KCNQ1OT1: variants seen among roughly 807,000 people sequenced by gnomAD.
KCNQ1OT1 encodes KCNQ1 opposite strand/antisense transcript 1.
chr11:2,640,136 C>A, exon 1 of KCNQ1OT1: 1 of 342,152 alleles, frequency 2.9e-6, no homozygotes, highest in Non-Finnish European at 5.2e-6. Context: ...AAGGGAATTC[C>A]CTGACCCCTT....
In KCNQ1OT1 at chr11:2,624,961, A is replaced by G. The variant is rs1849240564; in HGVS notation, n.75034T>C. 2.5e-6 allele frequency: 1 copy of G among 398,566 alleles called. No individual in the cohort carries two copies. Among genetic ancestry groups the G allele is most frequent in the Non-Finnish European group, 4.4e-6 (1 of 226,054 alleles). 24.7% of individuals were successfully genotyped at this position (398,566 alleles called of 1,614,324 possible). On this transcript the variant is annotated non_coding_transcript_exon_variant, in exon 1 of 1. Transcript: ENST00000597346. The surrounding 1 kb of genome is among the most constrained non-coding windows in gnomAD (Gnocchi z 4.9). ...GAATAATATTACATTGTATGTATATACCACATTTTGCTTATCCATTCTTCC... is the reference window on the plus strand; with the variant it reads ...GAATAATATTACATTGTATGTATATGCCACATTTTGCTTATCCATTCTTCC...
Position 2,644,550 on chromosome 11 carries a change from C to T in KCNQ1OT1, n.55445G>A, listed in dbSNP as rs2133834371. On this transcript the variant is annotated non_coding_transcript_exon_variant, in exon 1 of 1. Transcript: ENST00000597346. ...TATATTGAATTTTTCAAGGTTTCAT[C>T]AATTTCTTTTTCACTGGAATCTGTT... is the stretch of plus-strand genomic sequence containing the variant. The T allele has an allele frequency of 1.0e-5, 4 of 398,368 alleles. No individual in the cohort carries two copies. The East Asian group carries it at 1.4e-4, about 14-fold the overall frequency. 24.7% of individuals were successfully genotyped at this position (398,368 alleles called of 1,614,324 possible).
At position 2,661,800 on chromosome 11, in the gene KCNQ1OT1, C is replaced by T; in HGVS notation, n.38195G>A. The stretch of plus-strand genomic sequence containing the variant: ...GCACTTTGGGGCCATCTTAAACACC[C>T]ACCCACCCCAACACCCAACTATAAA... On this transcript the variant is annotated non_coding_transcript_exon_variant, in exon 1 of 1. Transcript: ENST00000597346. This position sits in a 1 kb window ranked among gnomAD's most constrained non-coding sequence, Gnocchi z 5.9. 1.2e-6 allele frequency: 1 copy of T among 816,658 alleles called. No individual in the cohort carries two copies. Among genetic ancestry groups the T allele is most frequent in the Non-Finnish European group, 2.0e-6 (1 of 497,850 alleles). The allele number at this position is 816,658 out of a possible 1,614,324, so 50.6% of individuals were successfully genotyped here. A position where few individuals can be genotyped will look rare whatever the true frequency, so the allele number is the denominator to read the frequency against.
exon 1 of KCNQ1OT1, chr11:2,656,321 A>G: frequency 2.5e-6 from 1 of 398,700 alleles, no homozygotes; most frequent in African/African-American, 2.1e-5. Context: ...GCCAGGTCCC[A>G]GACCTGTGGG....
chr11:2,662,836 T>C, exon 1 of KCNQ1OT1: 1 of 398,848 alleles, frequency 2.5e-6, no homozygotes, highest in Non-Finnish European at 4.4e-6. Context: ...TGAGGGTCAC[T>C]TGTGGAAACT....
At chr11:2,632,607 A>G in exon 1 of KCNQ1OT1, 1 of 398,404 alleles carries the variant, frequency 2.5e-6, no homozygotes. Context: ...ATAATGTGTC[A>G]TAATCAAATC....
At chr11:2,609,938 A>G (rs1224992204) in exon 1 of KCNQ1OT1, 1 of 397,896 alleles carries the variant, frequency 2.5e-6, no homozygotes, top group Non-Finnish European at 4.4e-6. Context: ...TGGAATACAG[A>G]TGGATCCTGT....
chr11:2,638,984 C>T (rs1196348737), exon 1 of KCNQ1OT1: 1 of 152,200 alleles, frequency 6.6e-6, no homozygotes, highest in Non-Finnish European at 1.5e-5. Flanking sequence ...TCACCGATAT[C>T]CTTTCTTCCA....
At position 2,676,003 on chromosome 11, in the gene KCNQ1OT1, C is replaced by T. The variant is rs770007756; in HGVS notation, n.23992G>A. ...ACTCTCCCCACCCAACCCTAATTCCCAAGTTTCCTTCCCTAAAGGTTACCA... is the reference window on the plus strand; with the variant it reads ...ACTCTCCCCACCCAACCCTAATTCCTAAGTTTCCTTCCCTAAAGGTTACCA... On this transcript the variant is annotated non_coding_transcript_exon_variant, in exon 1 of 1. Coordinates refer to ENST00000597346, the Ensembl canonical transcript of KCNQ1OT1. The surrounding 1 kb of genome is among the most constrained non-coding windows in gnomAD (Gnocchi z 4.2). 5 of 398,556 alleles carry T rather than the reference C, an allele frequency of 1.3e-5. No homozygotes were observed. The highest frequency in any genetic ancestry group is 2.1e-5 in the African/African-American group (1 of 48,646). 24.7% of individuals were successfully genotyped at this position (398,556 alleles called of 1,614,324 possible).
In KCNQ1OT1 at chr11:2,679,547, A is replaced by G. The variant is rs1850351787; in HGVS notation, n.20448T>C. 2.5e-6 allele frequency: 1 copy of G among 398,644 alleles called. No individual in the cohort carries two copies. The highest frequency in any genetic ancestry group is 4.4e-6 in the Non-Finnish European group (1 of 226,070). 24.7% of individuals were successfully genotyped at this position (398,644 alleles called of 1,614,324 possible). On this transcript the variant is annotated non_coding_transcript_exon_variant, in exon 1 of 1. Coordinates refer to ENST00000597346, the Ensembl canonical transcript of KCNQ1OT1. This position sits in a 1 kb window ranked among gnomAD's most constrained non-coding sequence, Gnocchi z 4.8. ...ATACCTCATGATGGCCATTCCATCC[A>G]TTGTAATCATGTGTACCATGCAATT...
At position 2,656,882 on chromosome 11, in the gene KCNQ1OT1, A is replaced by C. The variant is rs546909361; in HGVS notation, n.43113T>G. On this transcript the variant is annotated non_coding_transcript_exon_variant, in exon 1 of 1. Coordinates refer to ENST00000597346, the Ensembl canonical transcript of KCNQ1OT1. ...GTCTTCAATCCCCTAGAATGACAAG[A>C]ATGAATTTTTGGTATATGATGTGAG... The C allele has an allele frequency of 1.0e-5, 4 of 398,614 alleles. No homozygotes were observed. The South Asian group carries it at 5.1e-4, about 51-fold the overall frequency. 24.7% of individuals were successfully genotyped at this position (398,614 alleles called of 1,614,324 possible).
chr11:2,631,672 T>C, exon 1 of KCNQ1OT1: 1 of 398,628 alleles, frequency 2.5e-6, no homozygotes, highest in East Asian at 3.6e-5. Context: ...AATTGAAATC[T>C]GCTCACTTGA....
exon 1 of KCNQ1OT1, chr11:2,686,900 G>A (rs1327906815): frequency 7.5e-6 from 3 of 398,592 alleles, no homozygotes; most frequent in African/African-American, 6.2e-5. Flanking sequence ...TGAAGATAGA[G>A]GCAACCCAAT....
rs1344295326 is a variant in KCNQ1OT1 at position 2,664,409 on chromosome 11, C to T, written n.35586G>A. On this transcript the variant is annotated non_coding_transcript_exon_variant, in exon 1 of 1. Coordinates refer to ENST00000597346, the Ensembl canonical transcript of KCNQ1OT1. This position sits in a 1 kb window ranked among gnomAD's most constrained non-coding sequence, Gnocchi z 5.1. ...AGAGAGGCCTGAAGGGGAGAGTGGG[C>T]ACGTACAGTGTCAGGGCCTAGGAAC... 1.0e-5 allele frequency: 4 copies of T among 398,556 alleles called. No individual in the cohort carries two copies. Among genetic ancestry groups the T allele is most frequent in the African/African-American group, 8.2e-5 (4 of 48,606 alleles). 24.7% of individuals were successfully genotyped at this position (398,556 alleles called of 1,614,324 possible).
chr11:2,650,675 C>T (rs1247201804), exon 1 of KCNQ1OT1: 1 of 398,608 alleles, frequency 2.5e-6, no homozygotes, highest in Non-Finnish European at 4.4e-6. Flanking sequence ...TTTTAAGCCT[C>T]TTCTCTGATT....
At chr11:2,699,790 C>T (rs449357) in exon 1 of KCNQ1OT1, 1 of 396,610 alleles carries the variant, frequency 2.5e-6, no homozygotes, top group Non-Finnish European at 4.4e-6. Context: ...AGAACCGCGC[C>T]GAGGGGCGCG....
In KCNQ1OT1 at chr11:2,691,379, G is replaced by A. The variant is rs1011329016; in HGVS notation, n.8616C>T. On this transcript the variant is annotated non_coding_transcript_exon_variant, in exon 1 of 1. Coordinates refer to ENST00000597346, the Ensembl canonical transcript of KCNQ1OT1. This position sits in a 1 kb window ranked among gnomAD's most constrained non-coding sequence, Gnocchi z 6.4. ...CTGACATCTTGGGCTCAGGCCTCTGGGTCTGGGCATAGAAGCCCAGGAACT... is the reference window on the plus strand; with the variant it reads ...CTGACATCTTGGGCTCAGGCCTCTGAGTCTGGGCATAGAAGCCCAGGAACT... The A allele has an allele frequency of 5.0e-5, 20 of 398,502 alleles. No individual in the cohort carries two copies. Among genetic ancestry groups the A allele is most frequent in the Non-Finnish European group, 8.4e-5 (19 of 226,098 alleles). 24.7% of individuals were successfully genotyped at this position (398,502 alleles called of 1,614,324 possible). A position where few individuals can be genotyped will look rare whatever the true frequency, so the allele number is the denominator to read the frequency against.
rs1564845527 is a variant in KCNQ1OT1 at position 2,651,300 on chromosome 11, G to A, written n.48695C>T. The A allele has an allele frequency of 7.5e-6, 3 of 398,650 alleles. No individual in the cohort carries two copies. The highest frequency in any genetic ancestry group is 8.8e-6 in the Non-Finnish European group (2 of 226,094). The allele number at this position is 398,650 out of a possible 1,614,324, so 24.7% of individuals were successfully genotyped here. A position where few individuals can be genotyped will look rare whatever the true frequency, so the allele number is the denominator to read the frequency against. On this transcript the variant is annotated non_coding_transcript_exon_variant, in exon 1 of 1. Coordinates refer to ENST00000597346, the Ensembl canonical transcript of KCNQ1OT1. The surrounding 1 kb of genome is among the most constrained non-coding windows in gnomAD (Gnocchi z 6.1). ...GAAAGAGCTTCATGGTGGGCAGCTGGGAAGCTGCACAGAACACTCCTCAGA... is the reference window on the plus strand; with the variant it reads ...GAAAGAGCTTCATGGTGGGCAGCTGAGAAGCTGCACAGAACACTCCTCAGA...
rs780746457 is a variant in KCNQ1OT1 at position 2,687,732 on chromosome 11, G to A, written n.12263C>T. The A allele has an allele frequency of 2.3e-5, 9 of 398,614 alleles. No homozygotes were observed. Among genetic ancestry groups the A allele is most frequent in the Non-Finnish European group, 3.5e-5 (8 of 226,146 alleles). The allele number at this position is 398,614 out of a possible 1,614,324, so 24.7% of individuals were successfully genotyped here. On this transcript the variant is annotated non_coding_transcript_exon_variant, in exon 1 of 1. Coordinates refer to ENST00000597346, the Ensembl canonical transcript of KCNQ1OT1. The surrounding 1 kb of genome is among the most constrained non-coding windows in gnomAD (Gnocchi z 5.0). The stretch of plus-strand genomic sequence containing the variant: ...GGCCCAGATTTCAAGCCAGTAACCA[G>A]CAAATCATGGGGAGACTGAGAAGAG...
Sources: gnomAD v4.1 joint callset for allele counts on GRCh38, gnomAD v4.1.1 for gene constraint, Gnocchi (gnomAD v3.1) non-coding constraint, MANE v1.5 for transcripts, NCBI Gene and HGNC (gene_info 2026-07-23, HGNC 2026-07-21) for gene names.